The following SMARCC2 variants were observed in gnomAD, a reference collection of about 807,000 sequenced individuals.
SMARCC2 encodes the protein SWI/SNF complex subunit SMARCC2.
Under a neutral mutation model 151.3 loss-of-function variants are expected in SMARCC2, and 15 were observed. The observed-to-expected ratio is 0.10, with a 90% confidence interval of 0.07 to 0.15. The LOEUF (loss-of-function observed/expected upper bound fraction) is 0.15, where lower values mean the gene tolerates loss of function less well. SMARCC2 is among the 10% of genes least tolerant of loss of function. SMARCC2 has a pLI of 1.00. For synonymous variants in SMARCC2, 590 were observed against 609.5 expected, an observed-to-expected ratio of 0.97 and a Z score of 0.47; for missense variants, 1,031 against 1,599.7, an observed-to-expected ratio of 0.64 and a Z score of 6.06.
chr12:56,180,051 G>A (rs980485799), intron 11 of SMARCC2, among the ~76,000 whole-genome samples: 1 of 152,004 alleles, frequency 6.6e-6, no homozygotes, highest in Admixed American at 6.6e-5. Flanking sequence ...GTTTTAAAAC[G>A]TTCCCATGGT....
chr12:56,176,104 G>A (rs536887819), intron 15 of SMARCC2, among the ~76,000 whole-genome samples: 5 of 152,212 alleles, frequency 3.3e-5, no homozygotes, highest in East Asian at 1.9e-4. Context: ...TGATCTGCCC[G>A]CCTGGGCCTC....
chr12:56,181,229 T>A, intron 10 of SMARCC2, 128 bp from the exon 11 acceptor site: 1 of 904,878 alleles, frequency 1.1e-6, no homozygotes, highest in South Asian at 1.7e-5. Context: ...CAGAAACCAG[T>A]AATCACACAG....
intron 25 of SMARCC2, among the ~76,000 whole-genome samples, chr12:56,169,244 G>A (rs182435993): frequency 2.1e-4 from 32 of 152,256 alleles, no homozygotes; most frequent in Admixed American, 1.7e-3. Flanking sequence ...GCAGTGAGCC[G>A]AGATCTGACA....
intron 1 of SMARCC2, among the ~76,000 whole-genome samples, chr12:56,188,981 C>G (rs1052275946): frequency 3.3e-5 from 5 of 152,120 alleles, no homozygotes; most frequent in African/African-American, 1.2e-4. Flanking sequence ...GGCGGGCACG[C>G]TCCGGGTTGC....
At chr12:56,181,983 G>T in intron 8 of SMARCC2, 21 bp downstream of exon 8, 1 of 1,599,932 alleles carries the variant, frequency 6.3e-7, no homozygotes, top group Non-Finnish European at 8.6e-7. Flanking sequence ...TTGGGGAAGA[G>T]GGGATACAAG....
At chr12:56,184,624 A>G in intron 5 of SMARCC2, 2 of 566,520 alleles carry the variant, frequency 3.5e-6, no homozygotes, top group Non-Finnish European at 6.3e-6. Flanking sequence ...CCCCAGGCCA[A>G]CATAGTCTCT....
rs756242946 is a variant in SMARCC2 at position 56,178,407 on chromosome 12, T to C, written c.1307A>G (p.Asn436Ser). 3.7e-6 allele frequency: 6 copies of C among 1,614,224 alleles called. No homozygotes were observed. Among genetic ancestry groups the C allele is most frequent in the East Asian group, 2.2e-5 (1 of 44,888 alleles). Reference sequence around the variant, plus strand: ...GAGAAGTTGGGGACAACCATACCTATTGTAGTCAAACCAGGCAGCGTAGCT... The same window carrying C: ...GAGAAGTTGGGGACAACCATACCTACTGTAGTCAAACCAGGCAGCGTAGCT... Reference protein sequence around the residue: ...IPSYAAWFDYNSVHAIERRAL... With the variant: ...IPSYAAWFDYSSVHAIERRAL... The change falls in exon 14 of 29, where the codon AAT (asparagine) becomes AGT (serine). Residue 436 changes from asparagine to serine, a missense_variant. Physicochemically the swap from Asn to Ser is conservative, Grantham distance 46. This residue lies in a region of SMARCC2 where 51 missense variants were observed against 135.1 expected (regional missense o/e 0.38). Transcript: ENST00000550164.
At chr12:56,180,624 G>T (rs1034480718) in intron 11 of SMARCC2, among the ~76,000 whole-genome samples, 1 of 148,542 alleles carries the variant, frequency 6.7e-6, no homozygotes, top group Non-Finnish European at 1.5e-5. Flanking sequence ...GGCTGGTCTC[G>T]AATTCCTGAC....
At chr12:56,178,577 C>T (rs202179475) in intron 13 of SMARCC2, 43 bp from the exon 14 acceptor site, 1 of 1,613,752 alleles carries the variant, frequency 6.2e-7, no homozygotes, top group African/African-American at 1.3e-5. Flanking sequence ...TTCCTGCTTC[C>T]TCCCTAGCAA....
intron 25 of SMARCC2, among the ~76,000 whole-genome samples, chr12:56,168,825 C>A (rs1042519392): frequency 3.9e-5 from 6 of 151,958 alleles, no homozygotes; most frequent in African/African-American, 1.4e-4. Context: ...GCTAAAAATA[C>A]AAAAATTAAC....
At chr12:56,169,244 G>T (rs182435993) in intron 25 of SMARCC2, among the ~76,000 whole-genome samples, 1 of 152,138 alleles carries the variant, frequency 6.6e-6, no homozygotes, top group African/African-American at 2.4e-5. Flanking sequence ...GCAGTGAGCC[G>T]AGATCTGACA....
chr12:56,184,221 G>A lies in SMARCC2; in HGVS notation c.516C>T (p.Asn172=), dbSNP rs767208089. 6.2e-7 allele frequency: 1 copy of A among 1,613,454 alleles called. No homozygotes were observed. The highest frequency in any genetic ancestry group is 1.1e-5 in the South Asian group (1 of 90,960). ...RHQGTVTEDK[N]NASHVVYPVP... ...CAGGATACACAACATGGGAGGCATT[G>A]TTCTTATCCTCAGTGACTGTTCCCT... Residue 172 remains asparagine, a synonymous_variant, in exon 6 of 29, where the codon AAC becomes AAT. Coordinates refer to ENST00000550164, the MANE Select transcript of SMARCC2 (RefSeq NM_001330288.2).
chr12:56,186,092 G>T, intron 3 of SMARCC2, 63 bp downstream of exon 3: 1 of 1,165,104 alleles, frequency 8.6e-7, no homozygotes, highest in Non-Finnish European at 1.3e-6. Flanking sequence ...AAAGATCCCA[G>T]GGAATCAAAA....
chr12:56,182,263 A>G (rs1199471614), intron 7 of SMARCC2, among the ~76,000 whole-genome samples, 184 bp from the exon 8 acceptor site: 2 of 152,320 alleles, frequency 1.3e-5, no homozygotes, highest in Middle Eastern at 3.4e-3. Context: ...GAGAACAAAA[A>G]GAATCACCCT....
chr12:56,170,005 C>T (rs955317732), intron 23 of SMARCC2, 94 bp from the exon 24 acceptor site: 14 of 1,452,288 alleles, frequency 9.6e-6, no homozygotes, highest in Non-Finnish European at 1.3e-5. Context: ...ATTTATTCCT[C>T]TTACTTTGGA....
chr12:56,172,002 C>G, intron 20 of SMARCC2, 65 bp from the exon 21 acceptor site: 3 of 1,485,060 alleles, frequency 2.0e-6, no homozygotes, highest in South Asian at 2.6e-5. Flanking sequence ...CTGACTCCCC[C>G]CATCCTACTA....
At chr12:56,179,696 T>C (rs937319749) in intron 11 of SMARCC2, among the ~76,000 whole-genome samples, 3 of 152,246 alleles carry the variant, frequency 2.0e-5, no homozygotes, top group Non-Finnish European at 4.4e-5. Context: ...TTTTTTGTTT[T>C]GTTTTTTTGA....
At chr12:56,174,193 T>A (rs1010550187) in intron 16 of SMARCC2, among the ~76,000 whole-genome samples, 3 of 152,138 alleles carry the variant, frequency 2.0e-5, no homozygotes, top group African/African-American at 7.2e-5. Flanking sequence ...CACTGCAGCC[T>A]CCACCTCCAG....
In SMARCC2 at chr12:56,181,470, G is replaced by A. The variant is rs1876189532; in HGVS notation, c.956+12C>T. The A allele has an allele frequency of 1.4e-6, 2 of 1,449,146 alleles. No individual in the cohort carries two copies. Among genetic ancestry groups the A allele is most frequent in the Non-Finnish European group, 1.9e-6 (2 of 1,070,458 alleles). 89.8% of individuals were successfully genotyped at this position (1,449,146 alleles called of 1,614,324 possible). ...AATGGTGAACACGGGGGCAGGCTAG[G>A]GGCTGGCACACCCTTTCTTAGCATT... On this transcript the variant is annotated intron_variant, in intron 10 of 28. Transcript: ENST00000550164.
Sources: allele counts gnomAD v4.1 joint callset (sites outside exome capture counted in the v4.1 genomes callset), GRCh38; gene constraint gnomAD v4.1.1; regional missense constraint gnomAD v4.1.1; transcripts MANE v1.5; gene names NCBI Gene and HGNC (gene_info 2026-07-23, HGNC 2026-07-21).